The following TFDP2 variants were observed in gnomAD, a reference collection of about 807,000 sequenced individuals.
The protein encoded by TFDP2 is transcription factor Dp-2.
TFDP2 carries 17 observed loss-of-function variants against 59.3 expected under a neutral mutation model. The observed-to-expected ratio is 0.29, with a 90% CI of 0.20 to 0.43. The LOEUF (loss-of-function observed/expected upper bound fraction) is 0.43, where lower values mean the gene tolerates loss of function less well. TFDP2 is among the 20% of genes least tolerant of loss of function. The pLI is 1.00. For synonymous variants in TFDP2, 180 were observed against 194.7 expected (o/e 0.92, Z 0.63); for missense variants, 391 against 528.8 (o/e 0.74, Z 2.56).
chr3:142,131,173 A>G (rs540853542), intron 1 of TFDP2, among the ~76,000 whole-genome samples: 2 of 150,422 alleles, frequency 1.3e-5, no homozygotes, highest in East Asian at 1.9e-4. Flanking sequence ...AACATAGACA[A>G]ATTGTATTTA....
intron 11 of TFDP2, among the ~76,000 whole-genome samples, chr3:141,956,466 C>T (rs1412303079): frequency 1.3e-5 from 2 of 151,862 alleles, no homozygotes; most frequent in South Asian, 4.1e-4. Context: ...ACAGGAGAAT[C>T]GCCTGAACCC....
At position 141,963,942 on chromosome 3, in the gene TFDP2, C is replaced by T. The variant is rs1457208552; in HGVS notation, c.754G>A (p.Val252Ile). The T allele has an allele frequency of 2.5e-6, 4 of 1,613,102 alleles. No individual in the cohort carries two copies. In the Admixed American group the frequency reaches 6.7e-5, roughly 27 times the overall value. ...LLQQIAFKNL[V>I]QRNRQNEQQN... The stretch of plus-strand genomic sequence containing the variant: ...TGCTCATTTTGTCGATTTCTCTGTA[C>T]CAGGTTTTTGAAAGCGATTTGCTGT... The change falls in exon 10 of 13, where the codon GTA (valine) becomes ATA (isoleucine). Residue 252 changes from valine (V) to isoleucine (I), a missense_variant. By Grantham distance (29) the Val-to-Ile change is conservative (BLOSUM62 3). Transcript: ENST00000489671.
At chr3:142,119,652 G>T (rs1168369126) in intron 1 of TFDP2, among the ~76,000 whole-genome samples, 1 of 152,082 alleles carries the variant, frequency 6.6e-6, no homozygotes, top group Non-Finnish European at 1.5e-5. Context: ...TGAGATGGGA[G>T]GATCATTACA....
At chr3:142,010,846 T>C (rs1944613457) in intron 3 of TFDP2, among the ~76,000 whole-genome samples, 1 of 133,396 alleles carries the variant, frequency 7.5e-6, no homozygotes, top group South Asian at 2.6e-4. Flanking sequence ...AAAATGCTCA[T>C]CATCACTGGC....
intron 3 of TFDP2, among the ~76,000 whole-genome samples, chr3:142,091,319 A>G (rs1212068949): frequency 6.6e-6 from 1 of 152,212 alleles, no homozygotes; most frequent in Non-Finnish European, 1.5e-5. Flanking sequence ...TCATTCCCAC[A>G]GACTATTACT....
intron 3 of TFDP2, among the ~76,000 whole-genome samples, chr3:142,092,415 C>T (rs1705614): frequency 0.75 from 113,884 of 152,014 alleles, 42,688 homozygotes; most frequent in South Asian, 0.82. Context: ...CAGCCTCAAC[C>T]TTCCAGGCTC....
Position 141,948,178 on chromosome 3 carries a change from G to A in TFDP2, c.*4335C>T, listed in dbSNP as rs535286123. 6.6e-6 allele frequency: 1 copy of A among 152,360 alleles called. No homozygotes were observed. Among genetic ancestry groups the A allele is most frequent in the East Asian group, 1.9e-4 (1 of 5,178 alleles). The allele number at this position is 152,360 out of a possible 1,614,324, so 9.4% of individuals were successfully genotyped here. ...GTCTATTTCAGACTTGTTGGGCAGG[G>A]ACAGCCCATTTTGTTAGGGGAGGGA... On this transcript the variant is annotated 3_prime_UTR_variant, in exon 13 of 13. Transcript: ENST00000489671.
rs560519976 is a variant in TFDP2, at chr3:141,958,446, A to G, written c.1051+1228T>C. ...AGAGGCCAGAAGTAGGCAAAACTAA[A>G]TAATACATTATTTCCAGTTTACCAT... On this transcript the variant is annotated intron_variant, in intron 11 of 12. Transcript: ENST00000489671. 6.6e-5 allele frequency among the ~76,000 whole-genome samples: 10 copies of G among 152,364 alleles called. No homozygotes were observed. The South Asian group carries it at 1.7e-3, about 25-fold the overall frequency.
chr3:142,028,426 C>T (rs1483708176), intron 3 of TFDP2, among the ~76,000 whole-genome samples: 4 of 90,446 alleles, frequency 4.4e-5, no homozygotes, highest in Non-Finnish European at 7.8e-5. Flanking sequence ...CCATACATAA[C>T]CCTGTAGTTT....
chr3:141,980,680 C>T (rs1214611781), intron 6 of TFDP2, among the ~76,000 whole-genome samples: 2 of 151,960 alleles, frequency 1.3e-5, no homozygotes, highest in Non-Finnish European at 2.9e-5. Flanking sequence ...GCATTACAGG[C>T]GCCTACCCCC....
chr3:142,073,472 C>CCCAAA (rs1553796689), intron 3 of TFDP2, among the ~76,000 whole-genome samples: 4 of 52,502 alleles, frequency 7.6e-5, no homozygotes, highest in Admixed American at 4.5e-4. Flanking sequence ...CCCCCCCCCG[C>CCCAAA]AAAAAAAAAA....
At chr3:142,051,175 T>C (rs1947606159) in intron 3 of TFDP2, among the ~76,000 whole-genome samples, 1 of 152,164 alleles carries the variant, frequency 6.6e-6, no homozygotes, top group African/African-American at 2.4e-5. Context: ...GCAGAATCTT[T>C]AGCACCATCC....
chr3:142,138,720 T>G (rs1038549028), intron 1 of TFDP2, among the ~76,000 whole-genome samples: 1 of 152,254 alleles, frequency 6.6e-6, no homozygotes, highest in African/African-American at 2.4e-5. Context: ...TTGATTGCAC[T>G]GTGGTCTGAG....
At chr3:142,079,036 C>T (rs527987558) in intron 3 of TFDP2, among the ~76,000 whole-genome samples, 9 of 151,848 alleles carry the variant, frequency 5.9e-5, no homozygotes, top group East Asian at 1.9e-4. Flanking sequence ...AGTCTTCTAA[C>T]GGCAGAATTG....
intron 8 of TFDP2, among the ~76,000 whole-genome samples, chr3:141,971,085 C>T (rs981505423): frequency 2.6e-5 from 4 of 151,414 alleles, no homozygotes; most frequent in Non-Finnish European, 5.9e-5. Context: ...AAGAAACATG[C>T]TTATTGGACA....
chr3:142,061,887 TCTACACACACAC>T (rs2059921161), intron 3 of TFDP2, among the ~76,000 whole-genome samples: 3 of 63,938 alleles, frequency 4.7e-5, no homozygotes, highest in African/African-American at 6.4e-5. Flanking sequence ...TCTCTCTCTC[TCTACACACACAC>T]ACACACACAC....
At chr3:141,986,537 T>C (rs1028039382) in intron 6 of TFDP2, among the ~76,000 whole-genome samples, 10 of 152,250 alleles carry the variant, frequency 6.6e-5, no homozygotes, top group African/African-American at 2.2e-4. Context: ...TATGAATACA[T>C]TGCAATTCAT....
At chr3:142,084,430 T>TA (rs972113875) in intron 3 of TFDP2, among the ~76,000 whole-genome samples, 9 of 152,078 alleles carry the variant, frequency 5.9e-5, no homozygotes, top group Non-Finnish European at 8.8e-5. Context: ...CTCAAAAAAC[T>TA]AAAAATTGAG....
chr3:142,000,333 G>A, intron 4 of TFDP2: 3 of 702,630 alleles, frequency 4.3e-6, no homozygotes, highest in Non-Finnish European at 7.8e-6. Context: ...CTGCTTCAAA[G>A]ATGATGCCTT....
Sources: allele counts gnomAD v4.1 joint callset (sites outside exome capture counted in the v4.1 genomes callset), GRCh38; gene constraint gnomAD v4.1.1; transcripts MANE v1.5; gene names NCBI Gene and HGNC (gene_info 2026-07-23, HGNC 2026-07-21).